GRM5: variants seen among roughly 807,000 people sequenced by gnomAD.
The protein encoded by GRM5 is glutamate metabotropic receptor 5.
GRM5 carries 19 observed loss-of-function variants against 83.1 expected under a neutral mutation model. The observed-to-expected ratio is 0.23, with a 90% confidence interval of 0.16 to 0.34. The LOEUF (loss-of-function observed/expected upper bound fraction) is 0.34, where lower values mean the gene tolerates loss of function less well. Among genes scored for constraint, GRM5 ranks in the 10% least tolerant of loss-of-function variants. The pLI, the probability that GRM5 is intolerant of heterozygous loss-of-function variation, is 1.00. For missense variants in GRM5, 1,160 were observed against 1,588.3 expected, an observed-to-expected ratio of 0.73 and a Z score of 4.58; for synonymous variants, 675 against 633.6, an observed-to-expected ratio of 1.07 and a Z score of -0.98.
chr11:88,736,229 T>G (rs1941910825), intron 3 of GRM5, among the ~76,000 whole-genome samples: 2 of 152,084 alleles, frequency 1.3e-5, no homozygotes, highest in African/African-American at 4.8e-5. Context: ...TAAAAAAAAC[T>G]TTCTTGAAAG....
At chr11:89,020,018 G>A (rs543372480) in intron 2 of GRM5, among the ~76,000 whole-genome samples, 229 of 152,266 alleles carry the variant, frequency 1.5e-3, no homozygotes, top group African/African-American at 5.3e-3. Context: ...ATCTGGGCAG[G>A]GACAGGGTGA....
chr11:88,797,353 G>C (rs1011215695), intron 3 of GRM5, among the ~76,000 whole-genome samples: 6 of 152,072 alleles, frequency 3.9e-5, no homozygotes, highest in Admixed American at 2.6e-4. Context: ...TGTTGATCAG[G>C]CTGGTCTTGA....
intron 3 of GRM5, among the ~76,000 whole-genome samples, chr11:88,830,399 G>A (rs971839229): frequency 6.6e-6 from 1 of 151,976 alleles, no homozygotes; most frequent in African/African-American, 2.4e-5. Context: ...TGCCTCCTCC[G>A]CAAAACAAAA....
At chr11:88,805,394 GT>G (rs1214317135) in intron 3 of GRM5, among the ~76,000 whole-genome samples, 9 of 152,072 alleles carry the variant, frequency 5.9e-5, no homozygotes, top group Admixed American at 3.3e-4. Context: ...GTTTCACCAT[GT>G]TGGCCAGGAT....
rs80157456 is a variant in GRM5, at chr11:88,624,593, G to A, written c.1148-19629C>T. 8.9e-3 allele frequency among the ~76,000 whole-genome samples: 1,360 copies of A among 152,216 alleles called. 23 individuals are homozygous for A. The highest frequency in any genetic ancestry group is 0.031 in the African/African-American group (1,288 of 41,538). On this transcript the variant is annotated intron_variant, in intron 4 of 9. Transcript: ENST00000305447. The stretch of plus-strand genomic sequence containing the variant: ...GTGCTTTGGGGGACCAAGACGGGAG[G>A]ATCTCTTGAGCCCAGCAGTTTGAGG...
chr11:88,714,886 C>G (rs954534555), intron 3 of GRM5, among the ~76,000 whole-genome samples: 1 of 151,896 alleles, frequency 6.6e-6, no homozygotes, highest in African/African-American at 2.4e-5. Flanking sequence ...AGCCTAGATA[C>G]AGGCCAAAGA....
At chr11:88,578,185 T>G (rs978700532) in intron 7 of GRM5, among the ~76,000 whole-genome samples, 1 of 152,126 alleles carries the variant, frequency 6.6e-6, no homozygotes, top group African/African-American at 2.4e-5. Flanking sequence ...CAGCCCATAA[T>G]GCTTTGAATT....
At chr11:88,961,825 A>G (rs1206540701) in intron 2 of GRM5, among the ~76,000 whole-genome samples, 1 of 152,190 alleles carries the variant, frequency 6.6e-6, no homozygotes, top group East Asian at 1.9e-4. Flanking sequence ...AGAAGGCAGA[A>G]CCAAGATTAC....
chr11:88,946,179 A>G (rs602482), intron 2 of GRM5, among the ~76,000 whole-genome samples: 145,958 of 152,136 alleles, frequency 0.96, 70,309 homozygotes, highest in East Asian at 1. Context: ...AAAATCACAA[A>G]GAGATGTCAT....
In GRM5 at chr11:88,508,258, G is replaced by C. The variant is rs934808959; in HGVS notation, c.*334C>G. The C allele has an allele frequency of 2.0e-5, 4 of 196,590 alleles. No individual in the cohort carries two copies. The highest frequency in any genetic ancestry group is 2.6e-4 in the East Asian group (2 of 7,744). The allele number at this position is 196,590 out of a possible 1,614,324, so 12.2% of individuals were successfully genotyped here. A position where few individuals can be genotyped will look rare whatever the true frequency, so the allele number is the denominator to read the frequency against. ...TTATTAACTATGCTCTTCACCCTCCGTTACGCTGTTTCACACGCACTGCTT... is the reference window on the plus strand; with the variant it reads ...TTATTAACTATGCTCTTCACCCTCCCTTACGCTGTTTCACACGCACTGCTT... On this transcript the variant is annotated 3_prime_UTR_variant, in exon 10 of 10. Coordinates refer to ENST00000305447, the MANE Select transcript of GRM5 (RefSeq NM_001143831.3). This position sits in a 1 kb window ranked among gnomAD's most constrained non-coding sequence, Gnocchi z 4.2.
At chr11:88,990,977 A>G (rs1282130191) in intron 2 of GRM5, among the ~76,000 whole-genome samples, 2 of 152,028 alleles carry the variant, frequency 1.3e-5, no homozygotes, top group Admixed American at 1.3e-4. Flanking sequence ...CTCTCTCACC[A>G]CTCCTATTCA....
chr11:88,549,432 C>T (rs1942454812), intron 8 of GRM5, among the ~76,000 whole-genome samples: 1 of 150,002 alleles, frequency 6.7e-6, no homozygotes, highest in Non-Finnish European at 1.5e-5. Flanking sequence ...AGAGCCACAC[C>T]TTGTCTCAAA....
chr11:88,980,700 G>T (rs1159367784), intron 2 of GRM5, among the ~76,000 whole-genome samples: 2 of 152,042 alleles, frequency 1.3e-5, no homozygotes, highest in South Asian at 4.1e-4. Context: ...GCAGGTGCCT[G>T]TAGTCCCAGC....
intron 2 of GRM5, among the ~76,000 whole-genome samples, chr11:89,002,034 T>A (rs2135071427): frequency 6.6e-6 from 1 of 152,310 alleles, no homozygotes; most frequent in African/African-American, 2.4e-5. Context: ...GAGCTGGAAA[T>A]ATGGTTGATA....
chr11:89,057,681 T>A (rs187879618), intron 1 of GRM5, among the ~76,000 whole-genome samples: 1 of 152,170 alleles, frequency 6.6e-6, no homozygotes, highest in African/African-American at 2.4e-5. Flanking sequence ...TTTAGACTTT[T>A]ACACATCCTG....
intron 3 of GRM5, among the ~76,000 whole-genome samples, chr11:88,766,542 A>G (rs962206860): frequency 6.6e-6 from 1 of 152,010 alleles, no homozygotes; most frequent in Non-Finnish European, 1.5e-5. Flanking sequence ...TACACCACAC[A>G]CAAAAATCAA....
chr11:88,792,541 G>GT (rs1465917568), intron 3 of GRM5, among the ~76,000 whole-genome samples: 1 of 152,088 alleles, frequency 6.6e-6, no homozygotes, highest in Non-Finnish European at 1.5e-5. Flanking sequence ...AGAAATGACA[G>GT]TAACATTACA....
chr11:88,765,691 T>G lies in GRM5; in HGVS notation c.911+84215A>C, dbSNP rs371223791. Among the ~76,000 whole-genome samples the G allele has an allele frequency of 5.7e-4, 87 of 151,616 alleles. 1 individual carries two copies. Among genetic ancestry groups the G allele is most frequent in the African/African-American group, 2.1e-3 (85 of 41,402 alleles). Reference sequence around the variant, plus strand: ...CCTAACACCATATGCAAAAATTGACTCAAGTGGATGAAAGACCTAAATATA... The same window carrying G: ...CCTAACACCATATGCAAAAATTGACGCAAGTGGATGAAAGACCTAAATATA... On this transcript the variant is annotated intron_variant, in intron 3 of 9. Transcript: ENST00000305447.
intron 3 of GRM5, among the ~76,000 whole-genome samples, chr11:88,696,402 G>T (rs1940903139): frequency 6.6e-6 from 1 of 152,128 alleles, no homozygotes; most frequent in African/African-American, 2.4e-5. Flanking sequence ...AGGAGTGCCT[G>T]TTATCACTTA....
Sources: allele counts gnomAD v4.1 joint callset (sites outside exome capture counted in the v4.1 genomes callset), GRCh38; gene constraint gnomAD v4.1.1; non-coding constraint Gnocchi (gnomAD v3.1); transcripts MANE v1.5; gene names NCBI Gene and HGNC (gene_info 2026-07-23, HGNC 2026-07-21).